Variants in RAP1A observed in about 807,000 individuals in gnomAD.
RAP1A encodes the protein RAP1A, member of RAS oncogene family, also known as ras-related protein Rap-1A.
In RAP1A, 6 loss-of-function variants were observed where a neutral mutation model predicts 26.4. That is an observed-to-expected ratio of 0.23 (90% confidence interval 0.12 to 0.45). The LOEUF (loss-of-function observed/expected upper bound fraction) is 0.45, where lower values mean the gene tolerates loss of function less well. Among genes scored for constraint, RAP1A ranks in the 20% least tolerant of loss-of-function variants. The pLI is 0.99. For missense variants in RAP1A, 121 were observed against 217.2 expected, an observed-to-expected ratio of 0.56 and a Z score of 2.78; for synonymous variants, 73 against 79.4, an observed-to-expected ratio of 0.92 and a Z score of 0.43.
At chr1:111,598,774 T>C (rs1209129137) in intron 1 of RAP1A, among the ~76,000 whole-genome samples, 1 of 152,116 alleles carries the variant, frequency 6.6e-6, no homozygotes, top group Non-Finnish European at 1.5e-5. Context: ...CTCCCTCCAA[T>C]TCTGTTCCAA....
intron 1 of RAP1A, among the ~76,000 whole-genome samples, chr1:111,687,766 C>A (rs1661530107): frequency 6.6e-6 from 1 of 152,004 alleles, no homozygotes; most frequent in Non-Finnish European, 1.5e-5. Context: ...GTAATCCCAG[C>A]ACTTTGGGAG....
intron 1 of RAP1A, among the ~76,000 whole-genome samples, chr1:111,684,391 A>C (rs1661402908): frequency 6.6e-6 from 1 of 152,224 alleles, no homozygotes; most frequent in African/African-American, 2.4e-5. Context: ...ATATTTAGAA[A>C]ACCCCATCGT....
At chr1:111,672,411 G>T (rs1661001907) in intron 1 of RAP1A, among the ~76,000 whole-genome samples, 1 of 152,148 alleles carries the variant, frequency 6.6e-6, no homozygotes, top group Admixed American at 6.5e-5. Flanking sequence ...AATGTCTTGG[G>T]TATAAAATTA....
chr1:111,688,829 T>TG (rs1259789283), intron 1 of RAP1A, among the ~76,000 whole-genome samples: 11 of 118,602 alleles, frequency 9.3e-5, no homozygotes, highest in South Asian at 2.8e-4. Flanking sequence ...TTTGTTTTTT[T>TG]TTTTGTTTTT....
chr1:111,701,118 C>G (rs1477966062), intron 4 of RAP1A, among the ~76,000 whole-genome samples: 3 of 152,172 alleles, frequency 2.0e-5, no homozygotes, highest in Non-Finnish European at 4.4e-5. Flanking sequence ...AAGCCCAGGT[C>G]TTTATTACAT....
At chr1:111,566,863 TG>T (rs1557853032) in intron 1 of RAP1A, among the ~76,000 whole-genome samples, 2 of 148,418 alleles carry the variant, frequency 1.3e-5, no homozygotes, top group African/African-American at 5.1e-5. Flanking sequence ...AGTTGGTGGT[TG>T]GGTTTTTTTT....
chr1:111,606,339 T>A (rs1371779185), intron 1 of RAP1A, among the ~76,000 whole-genome samples: 1 of 150,448 alleles, frequency 6.6e-6, no homozygotes, highest in Admixed American at 6.6e-5. Flanking sequence ...GAGGAACCTT[T>A]AAAAAAAAAA....
intron 1 of RAP1A, among the ~76,000 whole-genome samples, chr1:111,647,098 C>A (rs1660094492): frequency 6.6e-6 from 1 of 152,178 alleles, no homozygotes; most frequent in Non-Finnish European, 1.5e-5. Context: ...AGGAACCAGG[C>A]TGCACAGCAG....
At chr1:111,640,961 C>CA (rs1239063724) in intron 1 of RAP1A, among the ~76,000 whole-genome samples, 16 of 149,758 alleles carry the variant, frequency 1.1e-4, no homozygotes, top group South Asian at 8.5e-4. Context: ...GACCCTGTCT[C>CA]AAAAAAAACA....
upstream of RAP1A, among the ~76,000 whole-genome samples, chr1:111,617,752 G>C (rs1261017363): frequency 6.9e-6 from 1 of 144,764 alleles, no homozygotes; most frequent in Non-Finnish European, 1.5e-5. Flanking sequence ...CCTCTCTAAA[G>C]AATCATTCCA....
intron 1 of RAP1A, among the ~76,000 whole-genome samples, chr1:111,642,710 A>G (rs1192547595): frequency 1.3e-5 from 2 of 149,322 alleles, no homozygotes; most frequent in African/African-American, 5.0e-5. Flanking sequence ...GATGGTTTCG[A>G]TCTCCTGACC....
At chr1:111,704,228 C>T (rs918902587) in intron 5 of RAP1A, 115 bp from the exon 6 acceptor site, 2 of 1,048,952 alleles carry the variant, frequency 1.9e-6, no homozygotes, top group African/African-American at 3.3e-5. Context: ...TTTGATGAAG[C>T]TTGCGGTCCC....
At chr1:111,695,225 C>T (rs566686959) in intron 2 of RAP1A, 116 bp from the exon 3 acceptor site, 9 of 673,670 alleles carry the variant, frequency 1.3e-5, no homozygotes, top group South Asian at 2.0e-5. Context: ...TTTACATTTA[C>T]GTGTTTACCC....
intron 1 of RAP1A, among the ~76,000 whole-genome samples, chr1:111,647,395 A>G (rs1660104475): frequency 6.6e-6 from 1 of 152,170 alleles, no homozygotes. Flanking sequence ...CAGTGTAATA[A>G]TAATAGAAAG....
Position 111,623,094 on chromosome 1 carries a change from T to C in RAP1A, c.-28+3160T>C, listed in dbSNP as rs546542034. 4.6e-5 allele frequency among the ~76,000 whole-genome samples: 7 copies of C among 152,238 alleles called. No individual in the cohort carries two copies. The South Asian group carries it at 1.4e-3, about 32-fold the overall frequency. ...GTGCAGTGGTGCAATCTTGGCTCAC[T>C]GCAACCTCTGCCTCCTGGGTTCAAG... is the stretch of plus-strand genomic sequence containing the variant. On this transcript the variant is annotated intron_variant, in intron 1 of 7. Transcript: ENST00000369709.
intron 1 of RAP1A, among the ~76,000 whole-genome samples, chr1:111,675,404 G>A (rs1291136406): frequency 2.0e-5 from 3 of 151,990 alleles, no homozygotes; most frequent in Non-Finnish European, 2.9e-5. Flanking sequence ...CCCAGGAGGC[G>A]GAGTTTGCAG....
chr1:111,576,433 G>A (rs1418419406), intron 1 of RAP1A, among the ~76,000 whole-genome samples: 1 of 152,194 alleles, frequency 6.6e-6, no homozygotes, highest in African/African-American at 2.4e-5. Flanking sequence ...GAGTTAAAGT[G>A]CTCAGGCAGG....
chr1:111,580,100 G>A (rs960421929), intron 1 of RAP1A, among the ~76,000 whole-genome samples: 2 of 152,166 alleles, frequency 1.3e-5, no homozygotes, highest in Admixed American at 6.5e-5. Context: ...CCGGCTGCCT[G>A]TAACTTATTG....
At chr1:111,685,289 C>A (rs1240945669) in intron 1 of RAP1A, among the ~76,000 whole-genome samples, 2 of 152,082 alleles carry the variant, frequency 1.3e-5, no homozygotes, top group Non-Finnish European at 2.9e-5. Context: ...TCTAATTAAA[C>A]CAAAGAGCTT....
Sources: allele counts gnomAD v4.1 joint callset (sites outside exome capture counted in the v4.1 genomes callset), GRCh38; gene constraint gnomAD v4.1.1; transcripts MANE v1.5; gene names NCBI Gene and HGNC (gene_info 2026-07-23, HGNC 2026-07-21).